PTP4A3: variants seen among roughly 807,000 people sequenced by gnomAD.
PTP4A3 encodes protein tyrosine phosphatase type IVA 3.
PTP4A3 carries 9 observed loss-of-function variants against 15.2 expected under a neutral mutation model. The ratio of observed to expected loss-of-function variants is 0.59; its 90% CI spans 0.36 to 1.03. The LOEUF (loss-of-function observed/expected upper bound fraction) is 1.03, where lower values mean the gene tolerates loss of function less well. Ranked by LOEUF, PTP4A3 falls within the 50% of genes least tolerant of loss-of-function variation. The probability of loss-of-function intolerance (pLI) is 0.02; values close to 1 mark genes in which losing one functional copy is unlikely to be tolerated. For missense variants in PTP4A3, 234 were observed against 252.1 expected, an observed-to-expected ratio of 0.93 and a Z score of 0.49; for synonymous variants, 95 against 102.0, an observed-to-expected ratio of 0.93 and a Z score of 0.41.
intron 2 of PTP4A3, among the ~76,000 whole-genome samples, chr8:141,424,307 G>T (rs1007067229): frequency 2.0e-5 from 3 of 152,214 alleles, no homozygotes; most frequent in Non-Finnish European, 2.9e-5. Flanking sequence ...ATCCTCCGCA[G>T]TGGGGGTATA....
chr8:141,426,853 C>G, intron 3 of PTP4A3, 86 bp from the exon 4 acceptor site: 1 of 1,526,012 alleles, frequency 6.6e-7, no homozygotes, highest in Non-Finnish European at 8.8e-7. Context: ...CTCTGCCTCT[C>G]AGAGCTCCCT....
chr8:141,426,795 G>A, intron 3 of PTP4A3, 144 bp from the exon 4 acceptor site: 1 of 1,424,294 alleles, frequency 7.0e-7, no homozygotes, highest in Non-Finnish European at 9.4e-7. Flanking sequence ...TGCCCCTCCT[G>A]TGTGCCCTCT....
At chr8:141,402,066 CA>C (rs1180387956) in intron 1 of PTP4A3, among the ~76,000 whole-genome samples, 1 of 152,190 alleles carries the variant, frequency 6.6e-6, no homozygotes, top group African/African-American at 2.4e-5. Flanking sequence ...GAGACCTGGG[CA>C]GCAGCTGGGG....
At chr8:141,416,335 G>A (rs892728816) in intron 1 of PTP4A3, among the ~76,000 whole-genome samples, 5 of 152,156 alleles carry the variant, frequency 3.3e-5, no homozygotes, top group Admixed American at 2.0e-4. Context: ...TCTGCCTTCT[G>A]GCTGTGTGAC....
intron 1 of PTP4A3, among the ~76,000 whole-genome samples, chr8:141,396,405 G>A (rs146448483): frequency 1.1e-3 from 169 of 152,314 alleles, no homozygotes; most frequent in Non-Finnish European, 2.0e-3. Context: ...AAATGGGCAG[G>A]GGAGGGTGCT....
chr8:141,399,263 C>CT (rs140117638), intron 1 of PTP4A3, among the ~76,000 whole-genome samples: 3,654 of 152,332 alleles, frequency 0.024, 130 homozygotes, highest in African/African-American at 0.077. Flanking sequence ...TGGCCCCCTC[C>CT]TCTGGCTCGC....
chr8:141,399,436 G>T (rs1352810870), intron 1 of PTP4A3, among the ~76,000 whole-genome samples: 2 of 149,556 alleles, frequency 1.3e-5, no homozygotes, highest in African/African-American at 2.5e-5. Context: ...GTCCCTGGGG[G>T]TGCCCGGGGC....
At chr8:141,412,595 G>C (rs1832898741) in intron 1 of PTP4A3, among the ~76,000 whole-genome samples, 1 of 152,218 alleles carries the variant, frequency 6.6e-6, no homozygotes, top group Non-Finnish European at 1.5e-5. Flanking sequence ...GAGAGGCCCT[G>C]TGGGCCCAAG....
rs182046204 is a variant in PTP4A3, at chr8:141,398,164, G to T, written c.-854+6080G>T. Among the ~76,000 whole-genome samples, 473 of 152,318 alleles carry T rather than the reference G, an allele frequency of 3.1e-3. 6 individuals carry two copies. The highest frequency in any genetic ancestry group is 0.011 in the African/African-American group (456 of 41,580). On this transcript the variant is annotated intron_variant, in intron 1 of 5. Coordinates refer to ENST00000521578, the MANE Select transcript of PTP4A3 (RefSeq NM_032611.3). ...AGCCAGTGCTCAGGGTTTATTTGCTGGATGAGGGGTGGAGTGGGCCAGTGG... is the reference window on the plus strand; with the variant it reads ...AGCCAGTGCTCAGGGTTTATTTGCTTGATGAGGGGTGGAGTGGGCCAGTGG...
intron 1 of PTP4A3, among the ~76,000 whole-genome samples, chr8:141,398,948 G>C (rs1832517086): frequency 6.6e-6 from 1 of 152,048 alleles, no homozygotes; most frequent in Admixed American, 6.5e-5. Flanking sequence ...GAGGTGACGG[G>C]TGGCCCTGCC....
chr8:141,392,493 G>T (rs1300990679), intron 1 of PTP4A3: 1 of 152,356 alleles, frequency 6.6e-6, no homozygotes, highest in Non-Finnish European at 1.5e-5. Flanking sequence ...ACAGTTTGGG[G>T]GGCTGGAACC....
chr8:141,423,774 C>T (rs557201003), intron 2 of PTP4A3, among the ~76,000 whole-genome samples: 1 of 150,246 alleles, frequency 6.7e-6, no homozygotes, highest in Non-Finnish European at 1.5e-5. Flanking sequence ...AGGATTGAGG[C>T]TTAGTAGGTG....
rs563098627 is a variant in PTP4A3, at chr8:141,425,428, G to T, written c.198+288G>T. Among the ~76,000 whole-genome samples the T allele has an allele frequency of 6.6e-6, 1 of 152,270 alleles. No individual in the cohort carries two copies. Among genetic ancestry groups the T allele is most frequent in the African/African-American group, 2.4e-5 (1 of 41,568 alleles). ...CTTGGTGCATCGGCCAAGGTGGCGG[G>T]TGGGCTCCTCTGCCTGTCTCAGGCC... On this transcript the variant is annotated intron_variant, in intron 3 of 5. Coordinates refer to ENST00000521578, the MANE Select transcript of PTP4A3 (RefSeq NM_032611.3). The surrounding 1 kb of genome is among the most constrained non-coding windows in gnomAD (Gnocchi z 4.2).
chr8:141,402,607 GTGGGGGCAGGC>G (rs1832620742), intron 1 of PTP4A3, among the ~76,000 whole-genome samples: 2 of 152,148 alleles, frequency 1.3e-5, no homozygotes, highest in Admixed American at 6.5e-5. Context: ...GCTGGGTGGA[GTGGGGGCAGGC>G]AGCCCTGCCC....
At chr8:141,427,416 C>T (rs374888116) in intron 4 of PTP4A3, among the ~76,000 whole-genome samples, 14 of 152,082 alleles carry the variant, frequency 9.2e-5, no homozygotes, top group East Asian at 3.9e-4. Flanking sequence ...CAGCTGGGAT[C>T]GGATGACATG....
intron 1 of PTP4A3, among the ~76,000 whole-genome samples, chr8:141,411,002 A>AT (rs1376873239): frequency 6.6e-6 from 1 of 152,110 alleles, no homozygotes; most frequent in Non-Finnish European, 1.5e-5. Flanking sequence ...CCCAGGGTAG[A>AT]TGGAGCCTGA....
At chr8:141,427,689 C>T (rs1833643178) in intron 4 of PTP4A3, 61 bp from the exon 5 acceptor site, 2 of 1,443,178 alleles carry the variant, frequency 1.4e-6, no homozygotes, top group South Asian at 1.3e-5. Context: ...CAGCAGGTGC[C>T]CTGCCAAGGG....
intron 1 of PTP4A3, among the ~76,000 whole-genome samples, chr8:141,413,598 G>T (rs1202575084): frequency 2.0e-5 from 3 of 152,226 alleles, no homozygotes; most frequent in Non-Finnish European, 2.9e-5. Context: ...GGGCAGGGAG[G>T]GTTAGGGCCG....
At chr8:141,423,420 G>A (rs1235134018) in intron 2 of PTP4A3, among the ~76,000 whole-genome samples, 1 of 152,246 alleles carries the variant, frequency 6.6e-6, no homozygotes, top group Non-Finnish European at 1.5e-5. Context: ...TCAGGTCTCA[G>A]TGTGTGACCA....
Sources: allele counts gnomAD v4.1 joint callset (sites outside exome capture counted in the v4.1 genomes callset), GRCh38; gene constraint gnomAD v4.1.1; non-coding constraint Gnocchi (gnomAD v3.1); transcripts MANE v1.5; gene names NCBI Gene and HGNC (gene_info 2026-07-23, HGNC 2026-07-21).